Variants in FNBP4 observed in about 807,000 individuals in gnomAD.
FNBP4 encodes formin-binding protein 4.
In FNBP4, 34 loss-of-function variants were observed where a neutral mutation model predicts 119.3. The observed-to-expected ratio is 0.28, with a 90% CI of 0.22 to 0.38. The LOEUF (loss-of-function observed/expected upper bound fraction) is 0.38. FNBP4 is among the 10% of genes least tolerant of loss of function. The pLI is 1.00. For missense variants in FNBP4, 1,112 were observed against 1,228.9 expected, an observed-to-expected ratio of 0.90 and a Z score of 1.42; for synonymous variants, 462 against 430.6, an observed-to-expected ratio of 1.07 and a Z score of -0.90.
At chr11:47,765,435 G>A (rs1016474873) in intron 1 of FNBP4, 73 bp from the exon 2 acceptor site, 8 of 1,022,602 alleles carry the variant, frequency 7.8e-6, no homozygotes, top group African/African-American at 1.7e-5. Flanking sequence ...TCAGATTCCA[G>A]ACCAGAGAAA....
At chr11:47,738,847 ATTTTTTTTTTTTTTTTTTTTTTT>A (rs71045510) in intron 8 of FNBP4, among the ~76,000 whole-genome samples, 4 of 110,982 alleles carry the variant, frequency 3.6e-5, no homozygotes, top group East Asian at 2.8e-4. Flanking sequence ...TGCCCAGGTA[ATTTTTTTTTTTTTTTTTTTTTTT>A]TTTTTTTTTT....
Position 47,732,677 on chromosome 11 carries a change from TAAAC to T in FNBP4, c.1687-11_1687-8del. 2 of 1,613,706 alleles carry T rather than the reference TAAAC, an allele frequency of 1.2e-6. No individual in the cohort carries two copies. The highest frequency in any genetic ancestry group is 8.5e-7 in the Non-Finnish European group (1 of 1,179,620). On this transcript the variant is annotated splice_polypyrimidine_tract_variant and splice_region_variant and intron_variant, in intron 10 of 16. Coordinates refer to ENST00000263773, the MANE Select transcript of FNBP4 (RefSeq NM_015308.5). This position sits in a 1 kb window ranked among gnomAD's most constrained non-coding sequence, Gnocchi z 4.2. ...GCCAGTCTGCAATTCGAGTCTAGAATAAACAGACAAATAAGTTAAAGACTTATTA... is the reference window on the plus strand; with the variant it reads ...GCCAGTCTGCAATTCGAGTCTAGAATAGACAAATAAGTTAAAGACTTATTA...
At chr11:47,752,635 C>T in intron 4 of FNBP4, 1 of 255,446 alleles carries the variant, frequency 3.9e-6, no homozygotes, top group Non-Finnish European at 7.6e-6. Flanking sequence ...CACAGTGAAA[C>T]CACGTCTCTA....
At position 47,720,046 on chromosome 11, in the gene FNBP4, T is replaced by C. The variant is rs1360550941; in HGVS notation, c.2846A>G (p.Lys949Arg). The C allele has an allele frequency of 6.2e-7, 1 of 1,614,078 alleles. No homozygotes were observed. The highest frequency in any genetic ancestry group is 1.1e-5 in the South Asian group (1 of 91,064). ...SKTKMPSLVK[K>R]WQSIQRELDE... Reference sequence around the variant, plus strand: ...TAACTCACGCTGGATACTCTGCCACTTTTTTACCAAAGATGGCATTTTGGT... The same window carrying C: ...TAACTCACGCTGGATACTCTGCCACCTTTTTACCAAAGATGGCATTTTGGT... The change falls in exon 16 of 17, where the codon AAG becomes AGG. Residue 949 changes from lysine to arginine, a missense_variant. By Grantham distance (26) the Lys-to-Arg change is conservative (BLOSUM62 2). Transcript: ENST00000263773.
Position 47,717,621 on chromosome 11 carries a change from CTA to C in FNBP4, c.2964-111_2964-110del, listed in dbSNP as rs139439229. On this transcript the variant is annotated intron_variant, in intron 16 of 16. Transcript: ENST00000263773. The stretch of plus-strand genomic sequence containing the variant: ...AAATTAAAAACCTGATCTATCACGT[CTA>C]TGTTTATGAAAATCTTTTGTTTCTC... 1,149 of 781,672 alleles carry C rather than the reference CTA, an allele frequency of 1.5e-3. 14 individuals are homozygous for C. In the African/African-American group the frequency reaches 0.018, roughly 13 times the overall value. The allele number at this position is 781,672 out of a possible 1,614,324, so 48.4% of individuals were successfully genotyped here. A position where few individuals can be genotyped will look rare whatever the true frequency, so the allele number is the denominator to read the frequency against.
At chr11:47,765,567 C>CGGGGGGGGGGGGGGGGGGG (rs34848619) in intron 1 of FNBP4, among the ~76,000 whole-genome samples, 1 of 36,394 alleles carries the variant, frequency 2.7e-5, no homozygotes, top group Non-Finnish European at 4.4e-5. Flanking sequence ...GAGGCCAAGA[C>CGGGGGGGGGGGGGGGGGGG]GGGGGGGGGG....
chr11:47,741,122 G>A (rs1415497921), intron 8 of FNBP4, among the ~76,000 whole-genome samples: 1 of 151,384 alleles, frequency 6.6e-6, no homozygotes, highest in Non-Finnish European at 1.5e-5. Flanking sequence ...ACCCACCATG[G>A]CCTCCCAAAG....
intron 12 of FNBP4, among the ~76,000 whole-genome samples, chr11:47,727,827 T>A (rs186138846): frequency 6.6e-6 from 1 of 152,334 alleles, no homozygotes; most frequent in African/African-American, 2.4e-5. Context: ...GTTAGTATTT[T>A]TGCTGTTTAA....
intron 2 of FNBP4, among the ~76,000 whole-genome samples, chr11:47,764,521 G>T (rs1336566655): frequency 6.7e-6 from 1 of 148,722 alleles, no homozygotes; most frequent in Non-Finnish European, 1.5e-5. Flanking sequence ...GGGGTGTTTT[G>T]TTTGTTTTTT....
At chr11:47,760,918 T>C (rs1463474668) in intron 2 of FNBP4, among the ~76,000 whole-genome samples, 1 of 152,180 alleles carries the variant, frequency 6.6e-6, no homozygotes, top group Admixed American at 6.6e-5. Context: ...AAAACTCAAG[T>C]TTATTTTATA....
At chr11:47,761,858 G>T (rs1213341572) in intron 2 of FNBP4, among the ~76,000 whole-genome samples, 28 of 150,658 alleles carry the variant, frequency 1.9e-4, no homozygotes, top group Non-Finnish European at 3.7e-4. Context: ...TTTTTTTTGA[G>T]ACAGAGTTTC....
chr11:47,756,511 C>T (rs536278271), intron 2 of FNBP4, among the ~76,000 whole-genome samples: 4 of 151,910 alleles, frequency 2.6e-5, no homozygotes, highest in African/African-American at 9.7e-5. Flanking sequence ...TAATTCCTGC[C>T]TTCATTTTTT....
chr11:47,732,279 A>G lies in FNBP4; in HGVS notation c.1820+258T>C. ...CCCCCAAGCCCGCCCTACTCCGTGC[A>G]ACACTCTGGAGAGTAAAAACCAGCT... On this transcript the variant is annotated intron_variant, in intron 11 of 16. Coordinates refer to ENST00000263773, the MANE Select transcript of FNBP4 (RefSeq NM_015308.5). The surrounding 1 kb of genome is among the most constrained non-coding windows in gnomAD (Gnocchi z 4.2). The G allele has an allele frequency of 7.6e-7, 1 of 1,323,560 alleles. No homozygotes were observed. The highest frequency in any genetic ancestry group is 9.7e-7 in the Non-Finnish European group (1 of 1,033,278). 82.0% of individuals were successfully genotyped at this position (1,323,560 alleles called of 1,614,324 possible).
At chr11:47,754,738 A>G in intron 2 of FNBP4, 74 bp from the exon 3 acceptor site, 3 of 1,514,636 alleles carry the variant, frequency 2.0e-6, no homozygotes, top group Non-Finnish European at 2.7e-6. Context: ...AAGCGGAAGT[A>G]TAACATGTTT....
intron 12 of FNBP4, chr11:47,729,269 C>T: frequency 3.0e-6 from 3 of 985,304 alleles, no homozygotes; most frequent in Non-Finnish European, 3.6e-6. Context: ...AGAAATTATA[C>T]AAATTGTTCC....
At chr11:47,749,283 A>T (rs1305225521) in intron 6 of FNBP4, among the ~76,000 whole-genome samples, 1 of 145,894 alleles carries the variant, frequency 6.9e-6, no homozygotes, top group African/African-American at 2.5e-5. Flanking sequence ...AAATAAGTAA[A>T]TAAAAAGGAA....
intron 2 of FNBP4, among the ~76,000 whole-genome samples, chr11:47,761,719 G>T (rs1331634797): frequency 6.6e-6 from 1 of 152,002 alleles, no homozygotes; most frequent in Non-Finnish European, 1.5e-5. Flanking sequence ...CTTGAGAACA[G>T]CCTGGGCAAT....
intron 12 of FNBP4, 136 bp downstream of exon 12, chr11:47,731,238 C>T (rs530608903): frequency 2.5e-6 from 2 of 795,854 alleles, no homozygotes; most frequent in South Asian, 2.5e-5. Flanking sequence ...TCATGCATTC[C>T]TTGTTTTAGT....
chr11:47,734,458 C>T (rs1040704078), intron 9 of FNBP4, among the ~76,000 whole-genome samples: 1 of 152,090 alleles, frequency 6.6e-6, no homozygotes, highest in Admixed American at 6.5e-5. Flanking sequence ...CTCAAGTCAG[C>T]CTCCTGCCTT....
Sources: allele counts gnomAD v4.1 joint callset (sites outside exome capture counted in the v4.1 genomes callset), GRCh38; gene constraint gnomAD v4.1.1; non-coding constraint Gnocchi (gnomAD v3.1); transcripts MANE v1.5; gene names NCBI Gene and HGNC (gene_info 2026-07-23, HGNC 2026-07-21).